Variants in NEDD4L observed in about 807,000 individuals in gnomAD.
NEDD4L encodes E3 ubiquitin-protein ligase NEDD4-like.
Under a neutral mutation model 148.9 loss-of-function variants are expected in NEDD4L, and 54 were observed. The ratio of observed to expected loss-of-function variants is 0.36; its 90% CI spans 0.29 to 0.45. The LOEUF (loss-of-function observed/expected upper bound fraction) is 0.45. Among genes scored for constraint, NEDD4L ranks in the 20% least tolerant of loss-of-function variants. The probability of loss-of-function intolerance (pLI) is 1.00; values close to 1 mark genes in which losing one functional copy is unlikely to be tolerated. For missense variants in NEDD4L, 856 were observed against 1,233.8 expected (o/e 0.69, Z 4.59); for synonymous variants, 433 against 440.7 (o/e 0.98, Z 0.22).
At chr18:58,060,886 G>A (rs1457770436) in intron 1 of NEDD4L, among the ~76,000 whole-genome samples, 1 of 152,134 alleles carries the variant, frequency 6.6e-6, no homozygotes, top group Non-Finnish European at 1.5e-5. Context: ...AGCCTCACGA[G>A]TAGCTGGGGT....
At chr18:58,360,238 C>G (rs760067080) in intron 19 of NEDD4L, among the ~76,000 whole-genome samples, 6 of 152,218 alleles carry the variant, frequency 3.9e-5, no homozygotes, top group Admixed American at 1.3e-4. Flanking sequence ...GGGATTGTGT[C>G]TTTCCTCTGT....
intron 19 of NEDD4L, among the ~76,000 whole-genome samples, chr18:58,360,758 G>A (rs1270835039): frequency 1.3e-5 from 2 of 151,900 alleles, no homozygotes; most frequent in Non-Finnish European, 2.9e-5. Flanking sequence ...GTGTGTGTGT[G>A]TGTGTGTGTG....
intron 2 of NEDD4L, among the ~76,000 whole-genome samples, chr18:58,230,229 A>G (rs1434431045): frequency 2.0e-5 from 3 of 152,164 alleles, no homozygotes; most frequent in African/African-American, 7.2e-5. Context: ...TTTCCTCCCA[A>G]AGTTAGTCCT....
chr18:58,383,130 C>A, intron 24 of NEDD4L, 116 bp from the exon 25 acceptor site: 2 of 651,180 alleles, frequency 3.1e-6, no homozygotes, highest in East Asian at 2.8e-5. Flanking sequence ...GCCCATTTGC[C>A]GGGAAATATT....
At chr18:58,276,987 G>A (rs1243730157) in intron 5 of NEDD4L, among the ~76,000 whole-genome samples, 1 of 152,100 alleles carries the variant, frequency 6.6e-6, no homozygotes, top group Admixed American at 6.6e-5. Context: ...TTTTTCCCTT[G>A]GGGAGTATTT....
At chr18:58,384,192 C>T (rs2048709507) in intron 25 of NEDD4L, among the ~76,000 whole-genome samples, 1 of 152,196 alleles carries the variant, frequency 6.6e-6, no homozygotes, top group Non-Finnish European at 1.5e-5. Flanking sequence ...TGGGTCTTAG[C>T]ACCTTTCAGT....
chr18:58,105,331 T>C (rs1470208823), intron 1 of NEDD4L, among the ~76,000 whole-genome samples: 1 of 152,180 alleles, frequency 6.6e-6, no homozygotes, highest in African/African-American at 2.4e-5. Context: ...CTGTTCTCCC[T>C]GCATTTTGAC....
intron 5 of NEDD4L, among the ~76,000 whole-genome samples, chr18:58,261,587 A>G (rs1393206616): frequency 2.0e-5 from 3 of 152,266 alleles, no homozygotes; most frequent in Admixed American, 6.5e-5. Context: ...TATAATACAT[A>G]CTGATAAGAA....
intron 2 of NEDD4L, among the ~76,000 whole-genome samples, chr18:58,217,620 TCCATGCCA>T (rs2043285560): frequency 6.6e-6 from 1 of 152,194 alleles, no homozygotes; most frequent in South Asian, 2.1e-4. Context: ...GTATTACAGG[TCCATGCCA>T]CCATACCCAG....
chr18:58,052,647 C>CT (rs71173025), intron 1 of NEDD4L, among the ~76,000 whole-genome samples: 7 of 147,328 alleles, frequency 4.8e-5, no homozygotes, highest in African/African-American at 1.0e-4. Context: ...GTGAGTTTTT[C>CT]TTTTTTTTTT....
At position 58,397,625 on chromosome 18, in the gene NEDD4L, G is replaced by A. The variant is rs532880392; in HGVS notation, c.*1356G>A. On this transcript the variant is annotated 3_prime_UTR_variant, in exon 31 of 31. Transcript: ENST00000400345. ...GTGTACTGCCTGAGTTGTGCCTCTTGTGTGCTAGATTAAAAGTGAGACAGA... is the reference window on the plus strand; with the variant it reads ...GTGTACTGCCTGAGTTGTGCCTCTTATGTGCTAGATTAAAAGTGAGACAGA... 3 of 152,594 alleles carry A rather than the reference G, an allele frequency of 2.0e-5. No individual in the cohort carries two copies. In the East Asian group the frequency reaches 5.8e-4, roughly 29 times the overall value. 9.5% of individuals were successfully genotyped at this position (152,594 alleles called of 1,614,324 possible).
chr18:58,307,176 C>A (rs1484492174), intron 5 of NEDD4L, among the ~76,000 whole-genome samples: 1 of 152,116 alleles, frequency 6.6e-6, no homozygotes, highest in South Asian at 2.1e-4. Context: ...GACCCGCACA[C>A]TGGGAGGAGT....
rs1555689599 is a variant in NEDD4L, at chr18:58,094,900, TA to T, written c.48+50210del. ...CGTGAATGCCTCTAGAAAGAGCACT[TA>T]AAAAAAAAAAAAAAAAAGAAGGGAT... On this transcript the variant is annotated intron_variant, in intron 1 of 30. Coordinates refer to ENST00000400345, the MANE Select transcript of NEDD4L (RefSeq NM_001144967.3). Among the ~76,000 whole-genome samples the T allele has an allele frequency of 5.7e-3, 740 of 129,450 alleles. 1 individual carries two copies. The highest frequency in any genetic ancestry group is 5.2e-3 in the Non-Finnish European group (309 of 59,864). 84.9% of individuals were successfully genotyped at this position (129,450 alleles called of 152,430 possible).
chr18:58,085,528 G>A (rs1207898257), intron 1 of NEDD4L, among the ~76,000 whole-genome samples: 1 of 152,188 alleles, frequency 6.6e-6, no homozygotes, highest in African/African-American at 2.4e-5. Flanking sequence ...GGAAGTAAAA[G>A]GATTGGAGGC....
At chr18:58,365,611 C>A (rs1422216275) in intron 20 of NEDD4L, among the ~76,000 whole-genome samples, 1 of 152,176 alleles carries the variant, frequency 6.6e-6, no homozygotes, top group African/African-American at 2.4e-5. Flanking sequence ...CCCAACCTGG[C>A]CAGGTGGGGA....
At chr18:58,125,132 TC>T (rs1369568569) in intron 1 of NEDD4L, among the ~76,000 whole-genome samples, 1 of 152,220 alleles carries the variant, frequency 6.6e-6, no homozygotes, top group Non-Finnish European at 1.5e-5. Flanking sequence ...ACTCATGGCC[TC>T]AAGCGATCCT....
chr18:58,362,734 G>A (rs977412367), intron 19 of NEDD4L, among the ~76,000 whole-genome samples: 2 of 152,254 alleles, frequency 1.3e-5, no homozygotes, highest in African/African-American at 4.8e-5. Context: ...TGCTCAAGAA[G>A]TATCGGTTGA....
At position 58,335,552 on chromosome 18, in the gene NEDD4L, T is replaced by C; in HGVS notation, c.1125+15T>C. ...AGGAACCAACGGTAATGATCCACTTTATCAGACATCAATAGCAAGAGGCCG... is the reference window on the plus strand; with the variant it reads ...AGGAACCAACGGTAATGATCCACTTCATCAGACATCAATAGCAAGAGGCCG... On this transcript the variant is annotated intron_variant, in intron 13 of 30. Coordinates refer to ENST00000400345, the MANE Select transcript of NEDD4L (RefSeq NM_001144967.3). 3 of 1,602,828 alleles carry C rather than the reference T, an allele frequency of 1.9e-6. No individual in the cohort carries two copies. Among genetic ancestry groups the C allele is most frequent in the Non-Finnish European group, 2.6e-6 (3 of 1,169,764 alleles).
intron 3 of NEDD4L, among the ~76,000 whole-genome samples, chr18:58,246,704 A>G (rs537853005): frequency 6.6e-6 from 1 of 152,244 alleles, no homozygotes; most frequent in South Asian, 2.1e-4. Context: ...ACCTCAGGTG[A>G]TCCACCCGCC....
Sources: gnomAD v4.1 joint callset for allele counts (sites outside exome capture counted in the v4.1 genomes callset) on GRCh38, gnomAD v4.1.1 for gene constraint, MANE v1.5 for transcripts, NCBI Gene and HGNC (gene_info 2026-07-23, HGNC 2026-07-21) for gene names.